Variants in PACRG observed in about 807,000 individuals in gnomAD.
The protein encoded by PACRG is parkin coregulated, also known as parkin coregulated gene protein.
PACRG carries 29 observed loss-of-function variants against 29.7 expected under a neutral mutation model. The ratio of observed to expected loss-of-function variants is 0.98; its 90% CI spans 0.73 to 1.33. PACRG has a LOEUF of 1.33. PACRG is among the 40% of genes most tolerant of loss of function. The pLI is 0.00. For synonymous variants in PACRG, 116 were observed against 118.7 expected (o/e 0.98, Z 0.15); for missense variants, 279 against 316.2 (o/e 0.88, Z 0.89).
intron 2 of PACRG, among the ~76,000 whole-genome samples, chr6:162,913,906 T>C (rs1202635967): frequency 2.0e-5 from 3 of 152,210 alleles, no homozygotes; most frequent in Non-Finnish European, 4.4e-5. Context: ...TCAAATATTT[T>C]GTCCATTTTT....
intron 1 of PACRG, among the ~76,000 whole-genome samples, chr6:162,772,007 A>G (rs1043403267): frequency 2.6e-5 from 4 of 152,304 alleles, no homozygotes; most frequent in African/African-American, 9.6e-5. Flanking sequence ...GAAGTTGATG[A>G]TAGAAAGAAT....
chr6:163,216,953 C>T (rs967540680), intron 4 of PACRG, among the ~76,000 whole-genome samples: 3 of 152,308 alleles, frequency 2.0e-5, no homozygotes, highest in East Asian at 1.9e-4. Flanking sequence ...AAGCAATGAT[C>T]GTTTATACTT....
At chr6:162,870,278 G>C (rs187265246) in intron 2 of PACRG, among the ~76,000 whole-genome samples, 3 of 152,152 alleles carry the variant, frequency 2.0e-5, no homozygotes, top group African/African-American at 4.8e-5. Context: ...CATTCTACTA[G>C]TATTATTCTT....
At chr6:162,945,234 A>G (rs1181083325) in intron 2 of PACRG, among the ~76,000 whole-genome samples, 2 of 152,154 alleles carry the variant, frequency 1.3e-5, no homozygotes, top group African/African-American at 4.8e-5. Context: ...GATAAAATAC[A>G]TAACCCAACT....
chr6:162,828,138 A>G (rs1421380921), intron 2 of PACRG, among the ~76,000 whole-genome samples: 2 of 152,090 alleles, frequency 1.3e-5, no homozygotes, highest in African/African-American at 2.4e-5. Flanking sequence ...AGCAATTTGA[A>G]TTTTCATCTA....
chr6:163,267,908 C>A (rs568483658), intron 4 of PACRG, among the ~76,000 whole-genome samples: 1 of 152,140 alleles, frequency 6.6e-6, no homozygotes, highest in Non-Finnish European at 1.5e-5. Context: ...AACAAAGTAA[C>A]ACCCAAATGA....
chr6:163,149,307 C>T (rs900408239), intron 4 of PACRG, among the ~76,000 whole-genome samples: 1 of 152,156 alleles, frequency 6.6e-6, no homozygotes, highest in African/African-American at 2.4e-5. Context: ...CTCCCCGAGG[C>T]TCCAGCCGGC....
chr6:162,908,345 G>A (rs1796075362), intron 2 of PACRG, among the ~76,000 whole-genome samples: 1 of 152,290 alleles, frequency 6.6e-6, no homozygotes, highest in Non-Finnish European at 1.5e-5. Flanking sequence ...ATCGTGTTTA[G>A]GACTCTTTAG....
At chr6:163,195,431 C>G (rs1317366418) in intron 4 of PACRG, among the ~76,000 whole-genome samples, 2 of 152,122 alleles carry the variant, frequency 1.3e-5, no homozygotes, top group African/African-American at 2.4e-5. Context: ...TACATTTGAC[C>G]GTGAAACCCA....
chr6:162,791,311 G>GT (rs60664405), intron 1 of PACRG, among the ~76,000 whole-genome samples: 8,864 of 128,734 alleles, frequency 0.069, 779 homozygotes, highest in African/African-American at 0.18. Context: ...TTGTTTGTTT[G>GT]TTTTTTTTTT....
At chr6:162,948,561 T>C (rs1799418833) in intron 2 of PACRG, among the ~76,000 whole-genome samples, 1 of 151,974 alleles carries the variant, frequency 6.6e-6, no homozygotes, top group Admixed American at 6.6e-5. Context: ...ACTAAAACCT[T>C]CTACACAGCA....
At chr6:162,738,763 C>T (rs935819123) in intron 1 of PACRG, among the ~76,000 whole-genome samples, 2 of 152,132 alleles carry the variant, frequency 1.3e-5, no homozygotes, top group Admixed American at 6.5e-5. Context: ...ATGTATAGAG[C>T]TTTGTAAACA....
chr6:163,127,099 T>C (rs772471016), intron 4 of PACRG, among the ~76,000 whole-genome samples: 2 of 152,330 alleles, frequency 1.3e-5, no homozygotes, highest in Non-Finnish European at 2.9e-5. Flanking sequence ...TTTATGAGAC[T>C]ATGTAAATGA....
rs1158373022 is a variant in PACRG at position 163,047,717 on chromosome 6, G to A, written c.292-14433G>A. ...AATTAATATCTTCCAGCTAGACAGA[G>A]CCATCAGCATTTGTAGTAAAACAGC... On this transcript the variant is annotated intron_variant, in intron 2 of 4. Transcript: ENST00000366888. Among the ~76,000 whole-genome samples the A allele has an allele frequency of 3.3e-5, 5 of 152,260 alleles. No individual in the cohort carries two copies. The East Asian group carries it at 9.7e-4, about 29-fold the overall frequency.
At chr6:162,806,534 C>T (rs992443682) in intron 1 of PACRG, among the ~76,000 whole-genome samples, 2 of 152,036 alleles carry the variant, frequency 1.3e-5, no homozygotes, top group African/African-American at 4.8e-5. Flanking sequence ...CCTTGTACAT[C>T]TCCATCAGAG....
chr6:162,812,017 G>A (rs1026064004), intron 1 of PACRG, among the ~76,000 whole-genome samples: 13 of 152,238 alleles, frequency 8.5e-5, no homozygotes, highest in African/African-American at 3.1e-4. Flanking sequence ...AGGGTTACAT[G>A]TTGTATGATT....
chr6:162,930,096 A>G (rs1338582558), intron 2 of PACRG, among the ~76,000 whole-genome samples: 5 of 151,780 alleles, frequency 3.3e-5, no homozygotes, highest in Non-Finnish European at 7.4e-5. Flanking sequence ...GATTCCATAT[A>G]ATCTTCAGGA....
chr6:162,951,055 G>A (rs1799610683), intron 2 of PACRG, among the ~76,000 whole-genome samples: 1 of 152,190 alleles, frequency 6.6e-6, no homozygotes, highest in Non-Finnish European at 1.5e-5. Flanking sequence ...AACACAGATG[G>A]TTTGTGGGTG....
At chr6:163,034,887 A>C (rs1808015917) in intron 2 of PACRG, among the ~76,000 whole-genome samples, 1 of 152,200 alleles carries the variant, frequency 6.6e-6, no homozygotes, top group African/African-American at 2.4e-5. Flanking sequence ...AAGTAAAGGA[A>C]TAAAGAATCG....
Sources: gnomAD v4.1 joint callset for allele counts (sites outside exome capture counted in the v4.1 genomes callset) on GRCh38, gnomAD v4.1.1 for gene constraint, MANE v1.5 for transcripts, NCBI Gene and HGNC (gene_info 2026-07-23, HGNC 2026-07-21) for gene names.